ZNF746: variants seen among roughly 807,000 people sequenced by gnomAD.
ZNF746 encodes the protein zinc finger protein 746, also known as parkin-interacting substrate.
Under a neutral mutation model 41.0 loss-of-function variants are expected in ZNF746, and 13 were observed. The observed-to-expected ratio is 0.32, with a 90% CI of 0.21 to 0.50. The LOEUF is 0.50. ZNF746 is among the 20% of genes least tolerant of loss of function. ZNF746 has a pLI of 0.98. For synonymous variants in ZNF746, 424 were observed against 396.2 expected (o/e 1.07, Z -0.83); for missense variants, 811 against 922.9 (o/e 0.88, Z 1.57).
chr7:149,493,250 G>A (rs1176526966), intron 3 of ZNF746, among the ~76,000 whole-genome samples: 2 of 152,160 alleles, frequency 1.3e-5, no homozygotes, highest in South Asian at 2.1e-4. Flanking sequence ...GGATGCCGCC[G>A]ACACACAGAA....
intron 4 of ZNF746, among the ~76,000 whole-genome samples, chr7:149,481,832 C>CA (rs1800493506): frequency 6.6e-6 from 1 of 152,116 alleles, no homozygotes; most frequent in Non-Finnish European, 1.5e-5. Flanking sequence ...TAAAGATTAA[C>CA]AGCACAATTT....
rs1013866211 is a variant in ZNF746 at position 149,477,164 on chromosome 7, T to A, written c.758-117A>T. On this transcript the variant is annotated intron_variant, in intron 5 of 6. Transcript: ENST00000458143. ...TCCCCCCACTGGGGGCTTTTCTGAG[T>A]GGGCACGAGGACCCAACCTCTCTGA... is the stretch of plus-strand genomic sequence containing the variant. 3 of 1,326,240 alleles carry A rather than the reference T, an allele frequency of 2.3e-6. No homozygotes were observed. In the African/African-American group the frequency reaches 4.5e-5, roughly 20 times the overall value. The allele number at this position is 1,326,240 out of a possible 1,614,324, so 82.2% of individuals were successfully genotyped here. A position where few individuals can be genotyped will look rare whatever the true frequency, so the allele number is the denominator to read the frequency against.
chr7:149,494,186 A>G lies in ZNF746; in HGVS notation c.324+18T>C, dbSNP rs1800906681. On this transcript the variant is annotated intron_variant, in intron 2 of 6. Coordinates refer to ENST00000458143, the MANE Select transcript of ZNF746 (RefSeq NM_001394198.1). The surrounding 1 kb of genome is among the most constrained non-coding windows in gnomAD (Gnocchi z 5.6). ...TTGGCCGCTTGGGCTCCCACACCCC[A>G]AGGCGTCCCAGGGCTACCTTAGGGG... 2.5e-6 allele frequency: 4 copies of G among 1,613,620 alleles called. No individual in the cohort carries two copies. Among genetic ancestry groups the G allele is most frequent in the African/African-American group, 1.3e-5 (1 of 74,902 alleles).
Position 149,477,574 on chromosome 7 carries a change from A to G in ZNF746, c.747T>C (p.Asp249=), listed in dbSNP as rs749176089. ...GTCTCAGCCACTTACCAGAGGTGGC[A>G]TCCGTGGAGATGTCTCCTGCTCCGG... ...LDSGAGDIST[D]ATSGVHSNFS... The change falls in exon 5 of 7, where the codon GAT becomes GAC. Residue 249 remains aspartate, a synonymous_variant. Coordinates refer to ENST00000458143, the MANE Select transcript of ZNF746 (RefSeq NM_001394198.1). 3.1e-6 allele frequency: 5 copies of G among 1,606,820 alleles called. No individual in the cohort carries two copies. In the South Asian group the frequency reaches 5.5e-5, roughly 18 times the overall value.
chr7:149,489,244 C>CAA (rs1800720379), intron 4 of ZNF746: 1 of 145,450 alleles, frequency 6.9e-6, no homozygotes, highest in Admixed American at 7.1e-5. Flanking sequence ...CACACACACA[C>CAA]ACACACACAC....
intron 4 of ZNF746, among the ~76,000 whole-genome samples, chr7:149,478,789 TAAGGC>T (rs1800398635): frequency 6.6e-6 from 1 of 152,216 alleles, no homozygotes; most frequent in Non-Finnish European, 1.5e-5. Flanking sequence ...ACAGAATCTT[TAAGGC>T]AAGAACAGCA....
intron 4 of ZNF746, among the ~76,000 whole-genome samples, chr7:149,481,886 T>C (rs962503548): frequency 9.5e-4 from 144 of 152,250 alleles, no homozygotes; most frequent in Non-Finnish European, 1.3e-4. Flanking sequence ...CCATAATCAA[T>C]GTAAATGGTC....
chr7:149,490,870 G>A (rs1474648655), intron 4 of ZNF746: 1 of 147,310 alleles, frequency 6.8e-6, no homozygotes, highest in African/African-American at 2.6e-5. Context: ...GAGGGATTGA[G>A]GCTGGCAGAG....
chr7:149,474,550 G>A lies in ZNF746; in HGVS notation c.1817C>T (p.Ala606Val), dbSNP rs201641884. Residue 606 changes from alanine to valine, a missense_variant, in exon 7 of 7, where the codon GCG (alanine) becomes GTG (valine). Transcript: ENST00000458143. This position sits in a 1 kb window ranked among gnomAD's most constrained non-coding sequence, Gnocchi z 6.3. ...HLRKHQRNHA[A>V]GAKTPARGQP... Reference sequence around the variant, plus strand: ...GCCTCGGGCCGGGGTCTTGGCGCCCGCTGCATGGTTGCGCTGGTGCTTGCG... The same window carrying A: ...GCCTCGGGCCGGGGTCTTGGCGCCCACTGCATGGTTGCGCTGGTGCTTGCG... 17 of 1,608,702 alleles carry A rather than the reference G, an allele frequency of 1.1e-5. No individual in the cohort carries two copies. The African/African-American group carries it at 1.2e-4, about 11-fold the overall frequency.
Position 149,494,173 on chromosome 7 carries a change from G to C in ZNF746, c.324+31C>G. 6.2e-7 allele frequency: 1 copy of C among 1,613,686 alleles called. No individual in the cohort carries two copies. Among genetic ancestry groups the C allele is most frequent in the Non-Finnish European group, 8.5e-7 (1 of 1,179,638 alleles). ...CACGCTCACGGGTTTGGCCGCTTGG[G>C]CTCCCACACCCCAAGGCGTCCCAGG... On this transcript the variant is annotated intron_variant, in intron 2 of 6. Coordinates refer to ENST00000458143, the MANE Select transcript of ZNF746 (RefSeq NM_001394198.1). The surrounding 1 kb of genome is among the most constrained non-coding windows in gnomAD (Gnocchi z 5.6).
chr7:149,497,262 G>A lies in ZNF746; in HGVS notation c.24+251C>T, dbSNP rs975540548. The A allele has an allele frequency of 1.0e-6, 1 of 985,084 alleles. No homozygotes were observed. The highest frequency in any genetic ancestry group is 1.7e-5 in the African/African-American group (1 of 57,228). 61.0% of individuals were successfully genotyped at this position (985,084 alleles called of 1,614,324 possible). The stretch of plus-strand genomic sequence containing the variant: ...GGCAGGAAGCCCCGGAGGGCCCAAA[G>A]AACTTGGCGTGGGGCGGCCCGGGGC... On this transcript the variant is annotated intron_variant, in intron 1 of 6. Coordinates refer to ENST00000458143, the MANE Select transcript of ZNF746 (RefSeq NM_001394198.1). This position sits in a 1 kb window ranked among gnomAD's most constrained non-coding sequence, Gnocchi z 4.2.
chr7:149,477,455 G>T, intron 5 of ZNF746, 109 bp downstream of exon 5: 1 of 1,283,058 alleles, frequency 7.8e-7, no homozygotes, highest in Non-Finnish European at 1.1e-6. Context: ...AAAGTTGTCA[G>T]GCCGGAAGTG....
At chr7:149,492,006 A>G (rs1012961606) in intron 4 of ZNF746, 4 of 702,830 alleles carry the variant, frequency 5.7e-6, no homozygotes, top group Admixed American at 2.0e-5. Context: ...ATACCAAACC[A>G]TAAGGCTGAC....
In ZNF746 at chr7:149,474,115, A is replaced by AAAAAAAC. The variant is rs375459425; in HGVS notation, c.*262_*268dup. The AAAAAAAC allele has an allele frequency of 2.2e-5, 11 of 501,944 alleles. No homozygotes were observed. The highest frequency in any genetic ancestry group is 3.9e-5 in the African/African-American group (2 of 51,204). 31.1% of individuals were successfully genotyped at this position (501,944 alleles called of 1,614,324 possible). A position where few individuals can be genotyped will look rare whatever the true frequency, so the allele number is the denominator to read the frequency against. ...TTCCAGCTTTTTCCTCAAGAATTAA[A>AAAAAAAC]AAAAAACAAAAAACAAAAAACAAAA... On this transcript the variant is annotated 3_prime_UTR_variant, in exon 7 of 7. Transcript: ENST00000458143. This position sits in a 1 kb window ranked among gnomAD's most constrained non-coding sequence, Gnocchi z 6.3.
chr7:149,495,650 A>G (rs1346663869), intron 1 of ZNF746, among the ~76,000 whole-genome samples: 1 of 152,242 alleles, frequency 6.6e-6, no homozygotes, highest in Non-Finnish European at 1.5e-5. Context: ...TATTTCCAAA[A>G]TGAAGAAGTA....
intron 4 of ZNF746, among the ~76,000 whole-genome samples, chr7:149,483,564 G>A (rs35704166): frequency 0.34 from 51,081 of 151,526 alleles, 8,884 homozygotes; most frequent in East Asian, 0.5. Flanking sequence ...CCAAGATCGC[G>A]CCACTGTACT....
At chr7:149,495,662 C>T (rs1800972554) in intron 1 of ZNF746, among the ~76,000 whole-genome samples, 1 of 152,166 alleles carries the variant, frequency 6.6e-6, no homozygotes, top group Admixed American at 6.5e-5. Context: ...GAAGAAGTAG[C>T]TACTAGAAAC....
chr7:149,474,204 G>A lies in ZNF746; in HGVS notation c.*180C>T, dbSNP rs767264037. ...CCCATTTCACAGAGAATTCTACTTG[G>A]TTTAGAGGTGGCAGCTGTCCTGGTG... On this transcript the variant is annotated 3_prime_UTR_variant, in exon 7 of 7. Transcript: ENST00000458143. This position sits in a 1 kb window ranked among gnomAD's most constrained non-coding sequence, Gnocchi z 6.3. The A allele has an allele frequency of 1.5e-6, 1 of 657,468 alleles. No homozygotes were observed. Among genetic ancestry groups the A allele is most frequent in the Non-Finnish European group, 2.6e-6 (1 of 391,964 alleles). 40.7% of individuals were successfully genotyped at this position (657,468 alleles called of 1,614,324 possible).
At position 149,490,395 on chromosome 7, in the gene ZNF746, A is replaced by ACGTGCAGCTGCTTG. The variant is rs374159310; in HGVS notation, c.565+2450_565+2463dup. 5.3e-4 allele frequency: 81 copies of ACGTGCAGCTGCTTG among 152,348 alleles called. 2 individuals carry two copies. The highest frequency in any genetic ancestry group is 1.8e-3 in the African/African-American group (74 of 41,538). The allele number at this position is 152,348 out of a possible 1,614,324, so 9.4% of individuals were successfully genotyped here. A position where few individuals can be genotyped will look rare whatever the true frequency, so the allele number is the denominator to read the frequency against. ...CCAGCTTACCTGGTTCTCTGCAGCC[A>ACGTGCAGCTGCTTG]CGTGCAGCTGCTTGGCTGCAGGTGC... On this transcript the variant is annotated intron_variant, in intron 4 of 6. Transcript: ENST00000458143.
Sources: allele counts gnomAD v4.1 joint callset (sites outside exome capture counted in the v4.1 genomes callset), GRCh38; gene constraint gnomAD v4.1.1; non-coding constraint Gnocchi (gnomAD v3.1); transcripts MANE v1.5; gene names NCBI Gene and HGNC (gene_info 2026-07-23, HGNC 2026-07-21).